PPARGC1A: variants seen among roughly 807,000 people sequenced by gnomAD.
PPARGC1A encodes the protein PPARG coactivator 1 alpha.
PPARGC1A carries 25 observed loss-of-function variants against 88.7 expected under a neutral mutation model. That is an observed-to-expected ratio of 0.28 (90% CI 0.21 to 0.39). PPARGC1A has a LOEUF of 0.39. PPARGC1A is among the 10% of genes least tolerant of loss of function. PPARGC1A has a pLI of 1.00. For missense variants in PPARGC1A, 880 were observed against 968.7 expected (o/e 0.91, Z 1.22); for synonymous variants, 363 against 355.6 (o/e 1.02, Z -0.24).
chr4:24,460,811 T>C, the PPARGC1A span, among the ~76,000 whole-genome samples: 2 of 152,300 alleles, frequency 1.3e-5, no homozygotes, highest in East Asian at 3.9e-4. Flanking sequence ...CCAGCTCGAG[T>C]GGCTAATTTT....
At chr4:23,841,249 A>C (rs1295023837) in intron 2 of PPARGC1A, among the ~76,000 whole-genome samples, 1 of 152,116 alleles carries the variant, frequency 6.6e-6, no homozygotes, top group East Asian at 1.9e-4. Context: ...CTCTCTAGTC[A>C]AGAGAAAACC....
the PPARGC1A span, among the ~76,000 whole-genome samples, chr4:24,312,726 A>T: frequency 6.6e-6 from 1 of 151,958 alleles, no homozygotes; most frequent in Non-Finnish European, 1.5e-5. Flanking sequence ...GGTACAAAGT[A>T]CAGTGGTTAG....
intron 2 of PPARGC1A, among the ~76,000 whole-genome samples, chr4:23,865,952 TACAC>T (rs140873233): frequency 2.7e-5 from 4 of 149,324 alleles, no homozygotes; most frequent in East Asian, 2.0e-4. Context: ...CATTTATTCC[TACAC>T]ACACACACAC....
the PPARGC1A span, among the ~76,000 whole-genome samples, chr4:24,419,702 G>C: frequency 1.3e-5 from 2 of 152,062 alleles, no homozygotes; most frequent in Non-Finnish European, 2.9e-5. Flanking sequence ...TTTCCAGAGA[G>C]GAACAGAAGT....
the PPARGC1A span, among the ~76,000 whole-genome samples, chr4:24,218,296 G>A: frequency 1.3e-5 from 2 of 152,162 alleles, no homozygotes; most frequent in Admixed American, 6.5e-5. Flanking sequence ...AAAGAGCTAG[G>A]CAAGACTCTT....
At chr4:23,867,589 G>C (rs1167699806) in intron 2 of PPARGC1A, among the ~76,000 whole-genome samples, 1 of 152,144 alleles carries the variant, frequency 6.6e-6, no homozygotes, top group African/African-American at 2.4e-5. Flanking sequence ...ACCAGAAAAG[G>C]GCAGGGAATT....
the PPARGC1A span, among the ~76,000 whole-genome samples, chr4:23,985,373 G>T: frequency 2.0e-5 from 3 of 152,050 alleles, no homozygotes; most frequent in African/African-American, 7.2e-5. Context: ...CTGTGGAAGA[G>T]GCTGGCTCCT....
the PPARGC1A span, among the ~76,000 whole-genome samples, chr4:24,260,647 T>C: frequency 1.3e-5 from 2 of 152,030 alleles, no homozygotes; most frequent in Non-Finnish European, 2.9e-5. Flanking sequence ...ATGTTTTCAA[T>C]AGCTTTGTGG....
the PPARGC1A span, among the ~76,000 whole-genome samples, chr4:24,162,142 C>G: frequency 0.081 from 12,278 of 152,172 alleles, 736 homozygotes; most frequent in Non-Finnish European, 0.12. Flanking sequence ...TATATTCTCA[C>G]TCATAAATGG....
chr4:24,135,058 C>A, the PPARGC1A span, among the ~76,000 whole-genome samples: 3 of 152,272 alleles, frequency 2.0e-5, no homozygotes, highest in South Asian at 6.2e-4. Context: ...ATGTGTCACT[C>A]CAGAGCAATC....
chr4:23,973,955 A>T, the PPARGC1A span, among the ~76,000 whole-genome samples: 6 of 151,818 alleles, frequency 4.0e-5, no homozygotes, highest in East Asian at 3.8e-4. Context: ...AAAAAATAAT[A>T]AAAAATAAAA....
the PPARGC1A span, among the ~76,000 whole-genome samples, chr4:24,036,023 A>G: frequency 6.6e-6 from 1 of 152,176 alleles, no homozygotes; most frequent in Non-Finnish European, 1.5e-5. Flanking sequence ...TTGGAACCAG[A>G]CTACCTAGGT....
chr4:24,397,520 T>TA, the PPARGC1A span, among the ~76,000 whole-genome samples: 4 of 152,184 alleles, frequency 2.6e-5, no homozygotes, highest in African/African-American at 9.7e-5. Context: ...CTAAGGAATG[T>TA]AAGTGGGAAT....
At chr4:23,910,339 TATTATATATTATATATATTATA>T in the PPARGC1A span, among the ~76,000 whole-genome samples, 1 of 61,104 alleles carries the variant, frequency 1.6e-5, no homozygotes, top group East Asian at 5.6e-4. Context: ...ATATTATATA[TATTATATATTATATATATTATA>T]TATATTATAT....
the PPARGC1A span, among the ~76,000 whole-genome samples, chr4:24,013,005 C>T: frequency 4.6e-5 from 7 of 152,086 alleles, no homozygotes; most frequent in East Asian, 1.9e-4. Flanking sequence ...TTTACACATG[C>T]AATCACACAA....
intron 2 of PPARGC1A, chr4:23,879,984 TCTTAC>T (rs1197402374): frequency 1.3e-5 from 2 of 152,214 alleles, no homozygotes; most frequent in Admixed American, 6.5e-5. Flanking sequence ...TCTGCTCTTC[TCTTAC>T]AAGGCTTTGT....
At chr4:24,409,856 T>G in the PPARGC1A span, among the ~76,000 whole-genome samples, 1 of 152,194 alleles carries the variant, frequency 6.6e-6, no homozygotes, top group Non-Finnish European at 1.5e-5. Context: ...CAGAAAACCA[T>G]GTGTGCTCCA....
the PPARGC1A span, among the ~76,000 whole-genome samples, chr4:23,997,475 A>T: frequency 4.0e-5 from 6 of 151,090 alleles, no homozygotes; most frequent in Admixed American, 2.0e-4. Flanking sequence ...CACCCTTAAT[A>T]AATATATATG....
At chr4:24,322,764 GGA>G in the PPARGC1A span, among the ~76,000 whole-genome samples, 1 of 152,140 alleles carries the variant, frequency 6.6e-6, no homozygotes, top group East Asian at 1.9e-4. Flanking sequence ...ATGATTTTTG[GGA>G]GAGTCAGGTT....
Sources: gnomAD v4.1 joint callset for allele counts (sites outside exome capture counted in the v4.1 genomes callset) on GRCh38, gnomAD v4.1.1 for gene constraint, MANE v1.5 for transcripts, NCBI Gene and HGNC (gene_info 2026-07-23, HGNC 2026-07-21) for gene names.